SPRR2G: variants seen among roughly 807,000 people sequenced by gnomAD.
The protein encoded by SPRR2G is small proline-rich protein 2G.
SPRR2G carries 1 observed loss-of-function variant against 0.7 expected under a neutral mutation model. The ratio of observed to expected loss-of-function variants is 1.49; its 90% CI spans 0.53 to 7.06. The LOEUF is 7.06. Ranked by LOEUF, SPRR2G falls within the 30% of genes most tolerant of loss-of-function variation. The pLI, the probability that SPRR2G is intolerant of heterozygous loss-of-function variation, is 0.14. For synonymous variants in SPRR2G, 38 were observed against 33.9 expected (o/e 1.12, Z -0.42); for missense variants, 96 against 88.5 (o/e 1.09, Z -0.34).
chr1:153,190,964 G>A, the SPRR2G span: 1 of 152,128 alleles, frequency 6.6e-6, no homozygotes, highest in Admixed American at 6.5e-5. Context: ...AGTCAAGAGA[G>A]ACAAAGTCAC....
At chr1:153,186,910 T>A in the SPRR2G span, among the ~76,000 whole-genome samples, 1 of 152,176 alleles carries the variant, frequency 6.6e-6, no homozygotes, top group African/African-American at 2.4e-5. Context: ...ACAAAATCAC[T>A]CAGCATTTGC....
chr1:153,162,885 G>A, the SPRR2G span, among the ~76,000 whole-genome samples: 72,852 of 152,092 alleles, frequency 0.48, 18,578 homozygotes, highest in East Asian at 0.64. Context: ...CCCAGTGCCT[G>A]TGACAGGGCA....
the SPRR2G span, among the ~76,000 whole-genome samples, chr1:153,172,151 C>T: frequency 6.6e-6 from 1 of 152,170 alleles, no homozygotes; most frequent in Non-Finnish European, 1.5e-5. Flanking sequence ...GGCTTCCACT[C>T]TACTTCACCT....
the SPRR2G span, among the ~76,000 whole-genome samples, chr1:153,170,996 T>C: frequency 6.6e-6 from 1 of 152,198 alleles, no homozygotes; most frequent in African/African-American, 2.4e-5. Context: ...GATCAGCTCA[T>C]TCCACCCTCT....
chr1:153,197,731 G>C, the SPRR2G span, among the ~76,000 whole-genome samples: 1 of 152,134 alleles, frequency 6.6e-6, no homozygotes, highest in African/African-American at 2.4e-5. Context: ...GCAGCAGGGT[G>C]GGGGTCCAGA....
chr1:153,165,420 C>A, the SPRR2G span, among the ~76,000 whole-genome samples: 1 of 152,184 alleles, frequency 6.6e-6, no homozygotes, highest in African/African-American at 2.4e-5. Context: ...TTATGACAGA[C>A]AGAACTTCCC....
the SPRR2G span, among the ~76,000 whole-genome samples, chr1:153,164,890 T>C: frequency 3.3e-5 from 5 of 152,198 alleles, no homozygotes; most frequent in African/African-American, 9.7e-5. Flanking sequence ...AGGCTAGAGA[T>C]GGAAACTAGC....
At chr1:153,174,198 T>G in the SPRR2G span, among the ~76,000 whole-genome samples, 2 of 152,214 alleles carry the variant, frequency 1.3e-5, no homozygotes, top group South Asian at 4.1e-4. Context: ...GATGTTGCTT[T>G]AGTAGAATTT....
At chr1:153,179,569 A>C in the SPRR2G span, among the ~76,000 whole-genome samples, 1 of 152,152 alleles carries the variant, frequency 6.6e-6, no homozygotes, top group Non-Finnish European at 1.5e-5. Context: ...AAACTAAATA[A>C]GGATAATAAT....
the SPRR2G span, among the ~76,000 whole-genome samples, chr1:153,180,280 C>T: frequency 6.6e-6 from 1 of 152,084 alleles, no homozygotes; most frequent in African/African-American, 2.4e-5. Context: ...CACTACCAGC[C>T]CCCAAACATT....
chr1:153,199,234 C>T, the SPRR2G span, among the ~76,000 whole-genome samples: 1 of 152,140 alleles, frequency 6.6e-6, no homozygotes, highest in African/African-American at 2.4e-5. Flanking sequence ...GGAAAACTGG[C>T]TGTCCAGGTG....
At chr1:153,181,044 T>C in the SPRR2G span, among the ~76,000 whole-genome samples, 6 of 152,136 alleles carry the variant, frequency 3.9e-5, no homozygotes, top group African/African-American at 1.4e-4. Context: ...TAAATATAGA[T>C]ATTACATACA....
chr1:153,178,388 C>T, the SPRR2G span, among the ~76,000 whole-genome samples: 8 of 152,250 alleles, frequency 5.3e-5, no homozygotes, highest in African/African-American at 1.7e-4. Flanking sequence ...TTGGGATATA[C>T]TTGCCTTGTT....
the SPRR2G span, chr1:153,190,009 G>A: frequency 6.6e-6 from 1 of 152,170 alleles, no homozygotes; most frequent in African/African-American, 2.4e-5. Context: ...TTTCTCCCTT[G>A]TGGTATTTTG....
chr1:153,152,816 T>C (rs997296639), upstream of SPRR2G, among the ~76,000 whole-genome samples: 1 of 152,216 alleles, frequency 6.6e-6, no homozygotes, highest in Non-Finnish European at 1.5e-5. Context: ...ATTTTAGACC[T>C]ACTTTTCTTT....
chr1:153,157,980 A>G, the SPRR2G span, among the ~76,000 whole-genome samples: 1 of 152,126 alleles, frequency 6.6e-6, no homozygotes, highest in Non-Finnish European at 1.5e-5. Flanking sequence ...AGACGGCCCC[A>G]TGATTCAATT....
the SPRR2G span, among the ~76,000 whole-genome samples, chr1:153,177,540 T>C: frequency 0.019 from 2,939 of 152,262 alleles, 102 homozygotes; most frequent in African/African-American, 0.066. Context: ...TAGCCATTTT[T>C]GTGGGTCTGA....
the SPRR2G span, among the ~76,000 whole-genome samples, chr1:153,185,064 T>C: frequency 0.014 from 2,190 of 152,228 alleles, 39 homozygotes; most frequent in African/African-American, 0.042. Context: ...CTGACCTGAT[T>C]GTGGTGGATA....
At chr1:153,167,593 A>T in the SPRR2G span, among the ~76,000 whole-genome samples, 1 of 152,240 alleles carries the variant, frequency 6.6e-6, no homozygotes, top group Non-Finnish European at 1.5e-5. Context: ...TTTGTTTTAC[A>T]TCTGTTTAAT....
Sources: allele counts gnomAD v4.1 joint callset (sites outside exome capture counted in the v4.1 genomes callset), GRCh38; gene constraint gnomAD v4.1.1; transcripts MANE v1.5; gene names NCBI Gene and HGNC (gene_info 2026-07-23, HGNC 2026-07-21).